MACROD2: variants seen among roughly 807,000 people sequenced by gnomAD.
The protein encoded by MACROD2 is mono-ADP ribosylhydrolase 2.
MACROD2 carries 36 observed loss-of-function variants against 70.4 expected under a neutral mutation model. That is an observed-to-expected ratio of 0.51 (90% confidence interval 0.39 to 0.68). The LOEUF (loss-of-function observed/expected upper bound fraction) is 0.68. MACROD2 is among the 30% of genes least tolerant of loss of function. The pLI, the probability that MACROD2 is intolerant of heterozygous loss-of-function variation, is 0.00. For missense variants in MACROD2, 496 were observed against 538.4 expected, an observed-to-expected ratio of 0.92 and a Z score of 0.78; for synonymous variants, 172 against 178.8, an observed-to-expected ratio of 0.96 and a Z score of 0.30.
At chr20:15,149,778 T>G (rs2076256080) in intron 5 of MACROD2, among the ~76,000 whole-genome samples, 1 of 151,990 alleles carries the variant, frequency 6.6e-6, no homozygotes, top group Non-Finnish European at 1.5e-5. Context: ...GCAATCCCGG[T>G]CCTTGTGTAA....
chr20:14,509,938 G>A (rs1351542645), intron 4 of MACROD2, among the ~76,000 whole-genome samples: 7 of 151,986 alleles, frequency 4.6e-5, no homozygotes, highest in Non-Finnish European at 8.8e-5. Flanking sequence ...ATGTTTGGAT[G>A]ATCAGATATT....
chr20:14,878,991 C>T (rs2073581417), intron 5 of MACROD2, among the ~76,000 whole-genome samples: 2 of 152,120 alleles, frequency 1.3e-5, no homozygotes, highest in South Asian at 2.1e-4. Flanking sequence ...TTCCTGCATG[C>T]TTCAGCCAGA....
At chr20:14,796,008 T>G (rs1455469462) in intron 5 of MACROD2, among the ~76,000 whole-genome samples, 2 of 152,078 alleles carry the variant, frequency 1.3e-5, no homozygotes, top group Non-Finnish European at 2.9e-5. Context: ...TCCATTGACC[T>G]TGACATGAAC....
At chr20:16,005,610 C>T (rs1399677803) in intron 15 of MACROD2, among the ~76,000 whole-genome samples, 2 of 152,190 alleles carry the variant, frequency 1.3e-5, no homozygotes, top group African/African-American at 4.8e-5. Context: ...GCATTTATTT[C>T]TCCTTTCCGT....
chr20:15,050,146 T>C (rs1313914240), intron 5 of MACROD2, among the ~76,000 whole-genome samples: 3 of 152,108 alleles, frequency 2.0e-5, no homozygotes, highest in Non-Finnish European at 4.4e-5. Context: ...GCTCTAAAGC[T>C]CTTAACAATC....
At chr20:15,024,413 T>G (rs190055087) in intron 5 of MACROD2, among the ~76,000 whole-genome samples, 1 of 152,206 alleles carries the variant, frequency 6.6e-6, no homozygotes, top group Admixed American at 6.5e-5. Context: ...AGAATGAAAT[T>G]AATATGTATT....
At chr20:14,267,825 C>T (rs1305984042) in intron 3 of MACROD2, among the ~76,000 whole-genome samples, 1 of 151,986 alleles carries the variant, frequency 6.6e-6, no homozygotes, top group African/African-American at 2.4e-5. Flanking sequence ...GACATGGACT[C>T]TCTCCAATAG....
At chr20:15,372,433 A>G (rs2045506639) in intron 6 of MACROD2, among the ~76,000 whole-genome samples, 1 of 152,220 alleles carries the variant, frequency 6.6e-6, no homozygotes, top group Non-Finnish European at 1.5e-5. Flanking sequence ...AGAGCATCTC[A>G]CTGCTGCTTT....
At position 15,775,345 on chromosome 20, in the gene MACROD2, C is replaced by A. The variant is rs56722652; in HGVS notation, c.646-87400C>A. ...TACTGCACATTCTCCATAGACTGGACAGAACCATTCCATGGTCAGTGTTCT... is the reference window on the plus strand; with the variant it reads ...TACTGCACATTCTCCATAGACTGGAAAGAACCATTCCATGGTCAGTGTTCT... On this transcript the variant is annotated intron_variant, in intron 8 of 17. Coordinates refer to ENST00000684519, the MANE Select transcript of MACROD2 (RefSeq NM_001351661.2). Among the ~76,000 whole-genome samples, 246 of 152,222 alleles carry A rather than the reference C, an allele frequency of 1.6e-3. 3 individuals are homozygous for A. The East Asian group carries it at 0.035, about 22-fold the overall frequency.
chr20:14,583,023 T>C (rs1043307943), intron 4 of MACROD2, among the ~76,000 whole-genome samples: 1 of 151,884 alleles, frequency 6.6e-6, no homozygotes, highest in Non-Finnish European at 1.5e-5. Flanking sequence ...TCATGGATGA[T>C]GCAACTCTCT....
chr20:14,411,481 C>T (rs939740812), intron 3 of MACROD2, among the ~76,000 whole-genome samples: 7 of 152,084 alleles, frequency 4.6e-5, no homozygotes, highest in African/African-American at 1.7e-4. Context: ...CACAGCATTA[C>T]TCCCATAATG....
intron 4 of MACROD2, among the ~76,000 whole-genome samples, chr20:14,629,755 T>C (rs1468656426): frequency 6.6e-6 from 1 of 152,218 alleles, no homozygotes; most frequent in East Asian, 1.9e-4. Flanking sequence ...CTTTGCAGAC[T>C]GGTTCTTTTC....
chr20:14,779,638 A>G (rs2072275297), intron 5 of MACROD2, among the ~76,000 whole-genome samples: 1 of 152,150 alleles, frequency 6.6e-6, no homozygotes, highest in Non-Finnish European at 1.5e-5. Flanking sequence ...ATTGTTAAGC[A>G]GTATGGTAAA....
chr20:15,207,026 G>A (rs536207382), intron 5 of MACROD2, among the ~76,000 whole-genome samples: 21 of 152,088 alleles, frequency 1.4e-4, no homozygotes, highest in African/African-American at 4.1e-4. Flanking sequence ...GTGAGCCACC[G>A]CGCCCGGCCC....
chr20:14,940,095 C>T (rs1272335053), intron 5 of MACROD2, among the ~76,000 whole-genome samples: 1 of 120,166 alleles, frequency 8.3e-6, no homozygotes, highest in African/African-American at 3.0e-5. Context: ...GCTAATTTGA[C>T]TTTTTTCTTT....
intron 6 of MACROD2, among the ~76,000 whole-genome samples, chr20:15,288,706 C>T (rs2077513920): frequency 6.6e-6 from 1 of 152,118 alleles, no homozygotes; most frequent in Admixed American, 6.5e-5. Context: ...CAGCAGTCTG[C>T]CTGATTCTCA....
At chr20:15,377,137 G>T (rs28642202) in intron 6 of MACROD2, among the ~76,000 whole-genome samples, 3 of 152,056 alleles carry the variant, frequency 2.0e-5, no homozygotes, top group Non-Finnish European at 4.4e-5. Flanking sequence ...TGATCCGCCC[G>T]CTTCGGCCTC....
At chr20:15,904,807 G>T (rs1444979261) in intron 10 of MACROD2, among the ~76,000 whole-genome samples, 1 of 151,292 alleles carries the variant, frequency 6.6e-6, no homozygotes, top group African/African-American at 2.4e-5. Flanking sequence ...TGTGAAGCTG[G>T]GAGGCGGAGC....
At chr20:14,348,269 A>AG (rs35052101) in intron 3 of MACROD2, among the ~76,000 whole-genome samples, 2 of 60,892 alleles carry the variant, frequency 3.3e-5, no homozygotes, top group African/African-American at 1.6e-4. Context: ...ACTCCGTCTC[A>AG]AAAAAAAAAA....
Sources: allele counts gnomAD v4.1 joint callset (sites outside exome capture counted in the v4.1 genomes callset), GRCh38; gene constraint gnomAD v4.1.1; transcripts MANE v1.5; gene names NCBI Gene and HGNC (gene_info 2026-07-23, HGNC 2026-07-21).